WDR72: variants seen among roughly 807,000 people sequenced by gnomAD.
WDR72 encodes WD repeat domain 72, also known as WD repeat-containing protein 72.
Under a neutral mutation model 124.2 loss-of-function variants are expected in WDR72, and 120 were observed. The ratio of observed to expected loss-of-function variants is 0.97; its 90% CI spans 0.83 to 1.12. The LOEUF (loss-of-function observed/expected upper bound fraction) is 1.12. Ranked by LOEUF, WDR72 falls within the 50% of genes most tolerant of loss-of-function variation. The pLI, the probability that WDR72 is intolerant of heterozygous loss-of-function variation, is 0.00. For synonymous variants in WDR72, 452 were observed against 441.7 expected (o/e 1.02, Z -0.29); for missense variants, 1,387 against 1,278.8 (o/e 1.08, Z -1.29).
rs940506312 is a variant in WDR72 at position 53,699,917 on chromosome 15, A to G, written c.1598T>C (p.Val533Ala). Residue 533 changes from valine to alanine, a missense_variant, in exon 13 of 20, where the codon GTG (valine) becomes GCG (alanine). Val to Ala is a moderately conservative substitution (Grantham distance 64, BLOSUM62 0). Coordinates refer to ENST00000360509, the MANE Select transcript of WDR72 (RefSeq NM_182758.4). ...KLRGEQIICC[V>A]CGDHSVALLH... is the part of the protein sequence containing the mutation. Reference sequence around the variant, plus strand: ...GAGAGCCACGGAATGGTCACCGCACACACAGCAAATTATCTGCTCACCCCT... The same window carrying G: ...GAGAGCCACGGAATGGTCACCGCACGCACAGCAAATTATCTGCTCACCCCT... 7 of 1,614,098 alleles carry G rather than the reference A, an allele frequency of 4.3e-6. No homozygotes were observed. In the African/African-American group the frequency reaches 8.0e-5, roughly 18 times the overall value.
chr15:53,743,964 G>A (rs1344536540), intron 1 of WDR72, among the ~76,000 whole-genome samples: 1 of 135,908 alleles, frequency 7.4e-6, no homozygotes, highest in Non-Finnish European at 1.5e-5. Flanking sequence ...GACAGAGCGA[G>A]ACTCGTCTCA....
In WDR72 at chr15:53,705,107, G is replaced by T; in HGVS notation, c.1229C>A (p.Ser410Ter). The change falls in exon 11 of 20, where the codon TCA becomes TAA. Residue 410 changes from serine (S) to a stop codon, truncating the protein, a stop_gained. Coordinates refer to ENST00000360509, the MANE Select transcript of WDR72 (RefSeq NM_182758.4). LOFTEE classifies it high-confidence loss of function. ...DGAGTAVVTS[S>*]EYIPSLDKLI... Reference sequence around the variant, plus strand: ...TTTATCAAGACTTGGAATATACTCTGATGAAGTGACTACAGCAGTTCCTGC... The same window carrying T: ...TTTATCAAGACTTGGAATATACTCTTATGAAGTGACTACAGCAGTTCCTGC... 1 of 1,614,098 alleles carries T rather than the reference G, an allele frequency of 6.2e-7. No homozygotes were observed. Among genetic ancestry groups the T allele is most frequent in the Non-Finnish European group, 8.5e-7 (1 of 1,180,026 alleles).
rs1220391785 is a variant in WDR72 at position 53,715,178 on chromosome 15, A to G, written c.514+15T>C. 2 of 1,613,614 alleles carry G rather than the reference A, an allele frequency of 1.2e-6. No individual in the cohort carries two copies. The highest frequency in any genetic ancestry group is 3.3e-5 in the Admixed American group (2 of 60,008). ...TATGCAATCTCTCTACTGTCAGATA[A>G]TATCCAACTATTACCTTGAATTCTC... On this transcript the variant is annotated intron_variant, in intron 5 of 19. Transcript: ENST00000360509.
At chr15:53,757,977 TTCTCTCTCTCTC>T (rs5812712) in intron 1 of WDR72, among the ~76,000 whole-genome samples, 11 of 148,658 alleles carry the variant, frequency 7.4e-5, no homozygotes, top group African/African-American at 1.2e-4. Flanking sequence ...AGAGTTTATT[TTCTCTCTCTCTC>T]TCTCTCTCTC....
chr15:53,653,578 G>GT (rs988043665), intron 14 of WDR72, among the ~76,000 whole-genome samples: 10 of 152,078 alleles, frequency 6.6e-5, no homozygotes, highest in African/African-American at 2.4e-4. Flanking sequence ...TGTAGTTGAC[G>GT]TTTTTCATCT....
intron 14 of WDR72, among the ~76,000 whole-genome samples, chr15:53,641,146 G>C (rs1276404430): frequency 2.0e-5 from 3 of 151,952 alleles, no homozygotes; most frequent in South Asian, 2.1e-4. Context: ...GTGAAAGGTA[G>C]AGAGTTGGGA....
chr15:53,672,468 A>C (rs2016029935), intron 13 of WDR72, among the ~76,000 whole-genome samples: 1 of 152,178 alleles, frequency 6.6e-6, no homozygotes, highest in South Asian at 2.1e-4. Context: ...TTGTAAACCC[A>C]TTAGGATTGT....
chr15:53,760,671 G>T (rs1184841441), upstream of WDR72, among the ~76,000 whole-genome samples: 1 of 152,152 alleles, frequency 6.6e-6, no homozygotes, highest in African/African-American at 2.4e-5. Context: ...TTGATATACT[G>T]ATTTTCTTTC....
intron 13 of WDR72, among the ~76,000 whole-genome samples, chr15:53,678,986 A>C (rs188032351): frequency 9.2e-5 from 14 of 152,362 alleles, no homozygotes; most frequent in Admixed American, 6.5e-4. Flanking sequence ...AAAAAAGGAA[A>C]TTCTGACACA....
At position 53,665,515 on chromosome 15, in the gene WDR72, T is replaced by C. The variant is rs574547616; in HGVS notation, c.1962+57A>G. The stretch of plus-strand genomic sequence containing the variant: ...AGTGCCATGTATTTATGAATGCATA[T>C]AACTTCTTATTCGGTTGATAATGTT... On this transcript the variant is annotated intron_variant, in intron 14 of 19. Coordinates refer to ENST00000360509, the MANE Select transcript of WDR72 (RefSeq NM_182758.4). 230 of 1,597,850 alleles carry C rather than the reference T, an allele frequency of 1.4e-4. 3 individuals are homozygous for C. In the African/African-American group the frequency reaches 2.8e-3, roughly 19 times the overall value.
chr15:53,679,952 AAAAG>A (rs899733322), intron 13 of WDR72, among the ~76,000 whole-genome samples: 28 of 151,258 alleles, frequency 1.9e-4, no homozygotes, highest in African/African-American at 5.9e-4. Context: ...AGCAAAAAAA[AAAAG>A]AAAAGGAAGA....
intron 18 of WDR72, among the ~76,000 whole-genome samples, chr15:53,587,659 G>T (rs773931004): frequency 2.0e-5 from 3 of 151,964 alleles, no homozygotes; most frequent in African/African-American, 7.2e-5. Context: ...GATCCACTAC[G>T]ATTACTTTTT....
chr15:53,599,223 T>A (rs1342776853), intron 17 of WDR72, among the ~76,000 whole-genome samples: 1 of 152,184 alleles, frequency 6.6e-6, no homozygotes, highest in Non-Finnish European at 1.5e-5. Context: ...CCATGCTGAT[T>A]TATGTATCTC....
At chr15:53,713,305 G>T (rs1395851106) in intron 6 of WDR72, among the ~76,000 whole-genome samples, 1 of 150,864 alleles carries the variant, frequency 6.6e-6, no homozygotes, top group Non-Finnish European at 1.5e-5. Flanking sequence ...AGAATGTCAA[G>T]ATGAGAATAA....
At position 53,739,230 on chromosome 15, in the gene WDR72, CA is replaced by C. The variant is rs797017136; in HGVS notation, c.-12-6070del. 1.9e-4 allele frequency among the ~76,000 whole-genome samples: 28 copies of C among 151,036 alleles called. 1 individual carries two copies. The highest frequency in any genetic ancestry group is 6.8e-4 in the African/African-American group (28 of 41,158). ...AATGATTTTCAACTGAAGTAAGCAT[CA>C]AAAAAAAGTGAATCGGCAAAGAGAA... On this transcript the variant is annotated intron_variant, in intron 1 of 19. Transcript: ENST00000360509.
intron 15 of WDR72, among the ~76,000 whole-genome samples, chr15:53,614,145 T>C (rs1159808167): frequency 9.2e-5 from 14 of 152,186 alleles, no homozygotes; most frequent in Admixed American, 7.2e-4. Context: ...TCAGGTATCA[T>C]TGGAGCCTTA....
chr15:53,545,282 C>T (rs1893387724), intron 18 of WDR72, among the ~76,000 whole-genome samples: 1 of 151,430 alleles, frequency 6.6e-6, no homozygotes, highest in Non-Finnish European at 1.5e-5. Flanking sequence ...GCTACAGTAA[C>T]CAAAACAGCA....
chr15:53,636,187 A>AT, intron 14 of WDR72, among the ~76,000 whole-genome samples: 1 of 152,156 alleles, frequency 6.6e-6, no homozygotes, highest in Non-Finnish European at 1.5e-5. Flanking sequence ...ATAAAGGTAA[A>AT]TTTTTTTCTA....
At chr15:53,544,092 A>G (rs1265859822) in intron 18 of WDR72, among the ~76,000 whole-genome samples, 2 of 141,688 alleles carry the variant, frequency 1.4e-5, no homozygotes, top group Non-Finnish European at 3.1e-5. Flanking sequence ...ACAAGGAGGA[A>G]CTGGTACCAT....
Sources: allele counts gnomAD v4.1 joint callset (sites outside exome capture counted in the v4.1 genomes callset), GRCh38; gene constraint gnomAD v4.1.1; transcripts MANE v1.5; gene names NCBI Gene and HGNC (gene_info 2026-07-23, HGNC 2026-07-21).